The following GOSR1 variants were observed in gnomAD, a reference collection of about 807,000 sequenced individuals.
The protein encoded by GOSR1 is golgi SNAP receptor complex member 1.
GOSR1 carries 21 observed loss-of-function variants against 35.5 expected under a neutral mutation model. That is an observed-to-expected ratio of 0.59 (90% CI 0.42 to 0.85). GOSR1 has a LOEUF of 0.85. Among genes scored for constraint, GOSR1 ranks in the 40% least tolerant of loss-of-function variants. The probability of loss-of-function intolerance (pLI) is 0.00; values close to 1 mark genes in which losing one functional copy is unlikely to be tolerated. For missense variants in GOSR1, 285 were observed against 309.6 expected (o/e 0.92, Z 0.60); for synonymous variants, 94 against 106.6 (o/e 0.88, Z 0.73).
intron 4 of GOSR1, among the ~76,000 whole-genome samples, chr17:30,489,565 G>A (rs143627876): frequency 0.014 from 2,080 of 152,192 alleles, 43 homozygotes; most frequent in African/African-American, 0.048. Context: ...CAGGGACTCT[G>A]GGAGACAAGA....
At chr17:30,519,879 T>C in intron 7 of GOSR1, 60 bp from the exon 8 acceptor site, 3 of 1,000,500 alleles carry the variant, frequency 3.0e-6, no homozygotes, top group South Asian at 1.3e-5. Context: ...TTTAAAGGCA[T>C]GATGGTTCCA....
rs548890748 is a variant in GOSR1 at position 30,501,172 on chromosome 17, G to A, written c.509+8419G>A. Among the ~76,000 whole-genome samples, 18 of 152,172 alleles carry A rather than the reference G, an allele frequency of 1.2e-4. 1 individual carries two copies. The South Asian group carries it at 2.9e-3, about 25-fold the overall frequency. Reference sequence around the variant, plus strand: ...TGGGATTACAGGCGTGAGCCACCGCGCCCGGCCACAAAGAACTCTTAAAAT... The same window carrying A: ...TGGGATTACAGGCGTGAGCCACCGCACCCGGCCACAAAGAACTCTTAAAAT... On this transcript the variant is annotated intron_variant, in intron 6 of 8. Coordinates refer to ENST00000451249, the MANE Select transcript of GOSR1 (RefSeq NM_001007025.2).
intron 2 of GOSR1, 150 bp from the exon 3 acceptor site, chr17:30,484,064 G>C (rs1371259019): frequency 3.9e-6 from 2 of 518,190 alleles, no homozygotes; most frequent in Non-Finnish European, 6.9e-6. Context: ...ATTCCTTTGG[G>C]GTAAAAATGT....
intron 1 of GOSR1, chr17:30,477,794 G>T: frequency 1.0e-6 from 1 of 985,292 alleles, no homozygotes; most frequent in Non-Finnish European, 1.2e-6. Context: ...CTTGGGGTAC[G>T]AACTCTGAGA....
At chr17:30,521,176 T>C (rs1435938190) in intron 8 of GOSR1, among the ~76,000 whole-genome samples, 1 of 137,676 alleles carries the variant, frequency 7.3e-6, no homozygotes, top group Non-Finnish European at 1.6e-5. Flanking sequence ...TCTTTTTTTT[T>C]TTTTTTTTTT....
At chr17:30,497,135 A>G (rs1000781458) in intron 6 of GOSR1, among the ~76,000 whole-genome samples, 13 of 152,180 alleles carry the variant, frequency 8.5e-5, no homozygotes, top group African/African-American at 3.1e-4. Flanking sequence ...ATGCCTGTAA[A>G]GCCTGTAATC....
intron 6 of GOSR1, among the ~76,000 whole-genome samples, chr17:30,500,941 C>T (rs1373882415): frequency 1.4e-5 from 2 of 146,518 alleles, no homozygotes; most frequent in African/African-American, 2.5e-5. Context: ...AGTGCAGTGG[C>T]GGGATCTCGG....
Position 30,526,163 on chromosome 17 carries a change from A to G in GOSR1, c.*3785A>G, listed in dbSNP as rs1042293114. The G allele has an allele frequency of 6.6e-6, 1 of 152,182 alleles. No homozygotes were observed. Among genetic ancestry groups the G allele is most frequent in the Admixed American group, 6.5e-5 (1 of 15,276 alleles). 9.4% of individuals were successfully genotyped at this position (152,182 alleles called of 1,614,324 possible). A position where few individuals can be genotyped will look rare whatever the true frequency, so the allele number is the denominator to read the frequency against. ...CCAGTTACCAGATTCAGAGGCTAAC[A>G]GTTAGTTACTTGTTAATGCTAGTCA... On this transcript the variant is annotated 3_prime_UTR_variant, in exon 9 of 9. Transcript: ENST00000451249.
rs150598068 is a variant in GOSR1, at chr17:30,511,928, A to G, written c.539+1019A>G. 8.5e-5 allele frequency among the ~76,000 whole-genome samples: 13 copies of G among 152,328 alleles called. No individual in the cohort carries two copies. In the East Asian group the frequency reaches 2.1e-3, roughly 25 times the overall value. On this transcript the variant is annotated intron_variant, in intron 7 of 8. Coordinates refer to ENST00000451249, the MANE Select transcript of GOSR1 (RefSeq NM_001007025.2). ...CTCAATAACCCATTAGATAGACACAAATCATTAGGAACTATCTCCAAAACA... is the reference window on the plus strand; with the variant it reads ...CTCAATAACCCATTAGATAGACACAGATCATTAGGAACTATCTCCAAAACA...
chr17:30,490,076 T>A, intron 4 of GOSR1, 50 bp from the exon 5 acceptor site: 1 of 856,380 alleles, frequency 1.2e-6, no homozygotes, highest in South Asian at 1.3e-5. Flanking sequence ...TTCAGTGAGA[T>A]GAAAATCCAT....
Position 30,522,360 on chromosome 17 carries a change from G to T in GOSR1, c.729G>T (p.Leu243=). 1.3e-6 allele frequency: 2 copies of T among 1,590,230 alleles called. No individual in the cohort carries two copies. The highest frequency in any genetic ancestry group is 1.7e-6 in the Non-Finnish European group (2 of 1,168,348). ...GVIGICTILL[L]LYAFH is the part of the protein sequence containing the mutation. ...TTGGGATCTGTACCATCCTGTTGCT[G>T]CTGTATGCGTTCCATTGATGGGACA... Residue 243 remains leucine, a synonymous_variant, in exon 9 of 9, where the codon CTG becomes CTT. Transcript: ENST00000451249.
At chr17:30,484,817 T>G (rs75515486) in intron 4 of GOSR1, 47 bp downstream of exon 4, 5 of 406,324 alleles carry the variant, frequency 1.2e-5, no homozygotes, top group Non-Finnish European at 2.1e-5. Context: ...GGAGTTTGGG[T>G]TTTTTTTTTT....
chr17:30,499,104 TAC>T (rs1054274089), intron 6 of GOSR1, among the ~76,000 whole-genome samples: 1 of 152,218 alleles, frequency 6.6e-6, no homozygotes, highest in African/African-American at 2.4e-5. Context: ...AATGAATTCA[TAC>T]AGTCTGCACT....
chr17:30,524,438 C>G lies in GOSR1; in HGVS notation c.*2060C>G, dbSNP rs903606112. Reference sequence around the variant, plus strand: ...GAAATGGAGATCACTGTAAAACTGTCTTTTTCTTTTAAATTACAAGTACAC... The same window carrying G: ...GAAATGGAGATCACTGTAAAACTGTGTTTTTCTTTTAAATTACAAGTACAC... On this transcript the variant is annotated 3_prime_UTR_variant, in exon 9 of 9. Transcript: ENST00000451249. 3 of 152,066 alleles carry G rather than the reference C, an allele frequency of 2.0e-5. No homozygotes were observed. The highest frequency in any genetic ancestry group is 7.2e-5 in the African/African-American group (3 of 41,402). The allele number at this position is 152,066 out of a possible 1,614,324, so 9.4% of individuals were successfully genotyped here. A position where few individuals can be genotyped will look rare whatever the true frequency, so the allele number is the denominator to read the frequency against.
chr17:30,522,126 G>C, intron 8 of GOSR1, 128 bp from the exon 9 acceptor site: 1 of 719,708 alleles, frequency 1.4e-6, no homozygotes, highest in Non-Finnish European at 2.3e-6. Flanking sequence ...GATTCCCTTG[G>C]TGTGAGTTTC....
chr17:30,510,360 C>T (rs906135284), intron 6 of GOSR1, among the ~76,000 whole-genome samples: 6 of 152,090 alleles, frequency 3.9e-5, no homozygotes, highest in South Asian at 2.1e-4. Flanking sequence ...CGGCGTGAGC[C>T]ACCGTGCCTG....
At position 30,524,873 on chromosome 17, in the gene GOSR1, A is replaced by C. The variant is rs1968157928; in HGVS notation, c.*2495A>C. On this transcript the variant is annotated 3_prime_UTR_variant, in exon 9 of 9. Coordinates refer to ENST00000451249, the MANE Select transcript of GOSR1 (RefSeq NM_001007025.2). ...AAATCTGTTCATTCCAAATCTGTTA[A>C]GCATTTCCAAACATCCAGAGAATGG... 6.6e-6 allele frequency: 1 copy of C among 152,230 alleles called. No individual in the cohort carries two copies. Among genetic ancestry groups the C allele is most frequent in the Non-Finnish European group, 1.5e-5 (1 of 68,038 alleles). The allele number at this position is 152,230 out of a possible 1,614,324, so 9.4% of individuals were successfully genotyped here.
intron 6 of GOSR1, among the ~76,000 whole-genome samples, chr17:30,504,366 T>A (rs1306694399): frequency 6.6e-6 from 1 of 152,150 alleles, no homozygotes; most frequent in African/African-American, 2.4e-5. Flanking sequence ...AAACACTCTT[T>A]TCTTTGACTT....
chr17:30,481,162 A>C lies in GOSR1; in HGVS notation c.51A>C (p.Arg17=). 6.3e-7 allele frequency: 1 copy of C among 1,598,728 alleles called. No individual in the cohort carries two copies. The highest frequency in any genetic ancestry group is 1.1e-5 in the South Asian group (1 of 90,814). Residue 17 remains arginine, a synonymous_variant, in exon 2 of 9, where the codon CGA becomes CGC. Coordinates refer to ENST00000451249, the MANE Select transcript of GOSR1 (RefSeq NM_001007025.2). Reference sequence around the variant, plus strand: ...TTAAAGATCTCAGGAAACAGGCTCGACAGCTGGAAAATGAACTTGACCTGA... The same window carrying C: ...TTAAAGATCTCAGGAAACAGGCTCGCCAGCTGGAAAATGAACTTGACCTGA... The part of the protein sequence containing the change: ...SYWEDLRKQA[R]QLENELDLKL...
Sources: gnomAD v4.1 joint callset for allele counts (sites outside exome capture counted in the v4.1 genomes callset) on GRCh38, gnomAD v4.1.1 for gene constraint, MANE v1.5 for transcripts, NCBI Gene and HGNC (gene_info 2026-07-23, HGNC 2026-07-21) for gene names.